Variants in BRSK2 observed in about 807,000 individuals in gnomAD.
BRSK2 encodes the protein BR serine/threonine kinase 2.
Under a neutral mutation model 83.3 loss-of-function variants are expected in BRSK2, and 19 were observed. That is an observed-to-expected ratio of 0.23 (90% CI 0.16 to 0.33). The LOEUF (loss-of-function observed/expected upper bound fraction) is 0.33, where lower values mean the gene tolerates loss of function less well. Among genes scored for constraint, BRSK2 ranks in the 10% least tolerant of loss-of-function variants. The probability of loss-of-function intolerance (pLI) is 1.00; values close to 1 mark genes in which losing one functional copy is unlikely to be tolerated. For missense variants in BRSK2, 798 were observed against 1,042.3 expected (o/e 0.77, Z 3.23); for synonymous variants, 519 against 435.4 (o/e 1.19, Z -2.39).
At chr11:1,442,682 GCCCCCAGCCTGCCTGAGC>G in intron 5 of BRSK2, 76 bp downstream of exon 5, 2 of 1,262,228 alleles carry the variant, frequency 1.6e-6, no homozygotes, top group Non-Finnish European at 2.3e-6. Context: ...GGACTGAGAG[GCCCCCAGCCTGCCTGAGC>G]CTCCCGGCAC....
rs550868415 is a variant in BRSK2 at position 1,404,207 on chromosome 11, C to T, written c.91+13832C>T. 2.6e-5 allele frequency among the ~76,000 whole-genome samples: 4 copies of T among 152,302 alleles called. No homozygotes were observed. In the East Asian group the frequency reaches 7.7e-4, roughly 29 times the overall value. On this transcript the variant is annotated intron_variant, in intron 1 of 19. Coordinates refer to ENST00000528841, the MANE Select transcript of BRSK2 (RefSeq NM_001256627.2). The stretch of plus-strand genomic sequence containing the variant: ...GCGGCCACCCTTTGATTGCTGCCTG[C>T]CCCAGCTGCCCGCAATCTGGGTGCG...
In BRSK2 at chr11:1,390,919, C is replaced by G. The variant is rs1449955881; in HGVS notation, c.91+544C>G. Among the ~76,000 whole-genome samples, 2 of 152,182 alleles carry G rather than the reference C, an allele frequency of 1.3e-5. No individual in the cohort carries two copies. The highest frequency in any genetic ancestry group is 2.9e-5 in the Non-Finnish European group (2 of 68,024). On this transcript the variant is annotated intron_variant, in intron 1 of 19. Coordinates refer to ENST00000528841, the MANE Select transcript of BRSK2 (RefSeq NM_001256627.2). The surrounding 1 kb of genome is among the most constrained non-coding windows in gnomAD (Gnocchi z 6.8). ...CTGCAGAGGGCTGGACAGCGCCTTG[C>G]GCTGCTCCGGCTCGGGCTCGGGCGG... is the stretch of plus-strand genomic sequence containing the variant.
At chr11:1,425,690 C>T (rs1345041425) in intron 1 of BRSK2, among the ~76,000 whole-genome samples, 1 of 152,224 alleles carries the variant, frequency 6.6e-6, no homozygotes, top group East Asian at 1.9e-4. Flanking sequence ...TCGTCTCCCA[C>T]TCTGTGTCCT....
At chr11:1,428,094 AAAG>A (rs1282303129) in intron 1 of BRSK2, among the ~76,000 whole-genome samples, 1 of 152,202 alleles carries the variant, frequency 6.6e-6, no homozygotes, top group African/African-American at 2.4e-5. Context: ...GCAGCAAGTG[AAAG>A]AAGATGGAGG....
intron 1 of BRSK2, among the ~76,000 whole-genome samples, chr11:1,414,473 A>G (rs894488755): frequency 6.6e-6 from 1 of 152,224 alleles, no homozygotes. Context: ...GCCTCAGAGT[A>G]TGCTAAGGTG....
chr11:1,448,029 G>A (rs1235696836), intron 12 of BRSK2, among the ~76,000 whole-genome samples: 1 of 152,200 alleles, frequency 6.6e-6, no homozygotes, highest in Non-Finnish European at 1.5e-5. Flanking sequence ...GCCAGGCAGA[G>A]GCCGAGGAGG....
At chr11:1,440,766 C>G in intron 3 of BRSK2, 22 bp from the exon 4 acceptor site, 6 of 1,552,738 alleles carry the variant, frequency 3.9e-6, no homozygotes, top group Non-Finnish European at 5.2e-6. Context: ...GCTGGGCGCA[C>G]TGGTGGCCCC....
At chr11:1,445,174 G>C (rs563371999) in intron 9 of BRSK2, 120 bp from the exon 10 acceptor site, 3 of 1,487,176 alleles carry the variant, frequency 2.0e-6, no homozygotes, top group African/African-American at 2.8e-5. Flanking sequence ...AGGCCTCCCC[G>C]GGCTGGGCAC....
intron 1 of BRSK2, among the ~76,000 whole-genome samples, chr11:1,414,384 C>T (rs910238232): frequency 6.6e-6 from 1 of 152,178 alleles, no homozygotes; most frequent in South Asian, 2.1e-4. Flanking sequence ...CTAGGAACTT[C>T]CCTCTGTAGA....
chr11:1,460,826 C>T lies in BRSK2; in HGVS notation c.*103C>T. On this transcript the variant is annotated 3_prime_UTR_variant, in exon 20 of 20. Transcript: ENST00000528841. Reference sequence around the variant, plus strand: ...CCCGCGGCCGCGCCGCCCGTCCGTCCAGACTGTTCTCAGAGCCTGGGAGGA... The same window carrying T: ...CCCGCGGCCGCGCCGCCCGTCCGTCTAGACTGTTCTCAGAGCCTGGGAGGA... The T allele has an allele frequency of 6.6e-7, 1 of 1,525,488 alleles. No individual in the cohort carries two copies. 94.5% of individuals were successfully genotyped at this position (1,525,488 alleles called of 1,614,324 possible).
At chr11:1,413,713 G>A (rs904251097) in intron 1 of BRSK2, among the ~76,000 whole-genome samples, 2 of 152,184 alleles carry the variant, frequency 1.3e-5, no homozygotes, top group African/African-American at 2.4e-5. Flanking sequence ...TGGGCAGAAC[G>A]GGGGAACCAA....
rs554095290 is a variant in BRSK2 at position 1,447,374 on chromosome 11, T to C, written c.1226+1467T>C. On this transcript the variant is annotated intron_variant, in intron 12 of 19. Transcript: ENST00000528841. ...CGGTCAGCGGCGTGGGAGGCCGCCCTCTTGGCCTCTGCTGCAACTCCCAGG... is the reference window on the plus strand; with the variant it reads ...CGGTCAGCGGCGTGGGAGGCCGCCCCCTTGGCCTCTGCTGCAACTCCCAGG... Among the ~76,000 whole-genome samples, 7 of 152,254 alleles carry C rather than the reference T, an allele frequency of 4.6e-5. No individual in the cohort carries two copies. The South Asian group carries it at 1.4e-3, about 32-fold the overall frequency.
rs1847111140 is a variant in BRSK2 at position 1,408,824 on chromosome 11, TGTGTGTGTGTGGCTGTGCTGGG to T, written c.91+18459_91+18480del. On this transcript the variant is annotated intron_variant, in intron 1 of 19. Coordinates refer to ENST00000528841, the MANE Select transcript of BRSK2 (RefSeq NM_001256627.2). ...GTTTGCCTGTGCTGGTGTGTGTGTGTGTGTGTGTGTGGCTGTGCTGGGGTGTGTGTGCATATCTGCCTGTACA... is the reference window on the plus strand; with the variant it reads ...GTTTGCCTGTGCTGGTGTGTGTGTGTGTGTGTGTGCATATCTGCCTGTACA... Among the ~76,000 whole-genome samples, 5 of 150,858 alleles carry T rather than the reference TGTGTGTGTGTGGCTGTGCTGGG, an allele frequency of 3.3e-5. No individual in the cohort carries two copies. The South Asian group carries it at 1.0e-3, about 32-fold the overall frequency.
intron 15 of BRSK2, among the ~76,000 whole-genome samples, chr11:1,452,346 G>A (rs1384988017): frequency 2.0e-5 from 3 of 152,208 alleles, no homozygotes; most frequent in African/African-American, 7.2e-5. Flanking sequence ...AGGTGTGTAG[G>A]TATTGTCGCA....
chr11:1,440,844 A>G lies in BRSK2; in HGVS notation c.329A>G (p.Lys110Arg), dbSNP rs1389626943. 6.2e-7 allele frequency: 1 copy of G among 1,603,632 alleles called. No homozygotes were observed. Among genetic ancestry groups the G allele is most frequent in the Non-Finnish European group, 8.5e-7 (1 of 1,175,158 alleles). Reference sequence around the variant, plus strand: ...GAGCTCTTCGACTACCTGGTGAAGAAGGGGAGGCTGACGCCTAAGGAGGCT... The same window carrying G: ...GAGCTCTTCGACTACCTGGTGAAGAGGGGGAGGCTGACGCCTAAGGAGGCT... Reference protein sequence around the residue: ...GGELFDYLVKKGRLTPKEARK... With the variant: ...GGELFDYLVKRGRLTPKEARK... Residue 110 changes from lysine (K) to arginine (R), a missense_variant, in exon 4 of 20, where the codon AAG (lysine) becomes AGG (arginine). Lys to Arg is a conservative substitution (Grantham distance 26). Around this residue, in one of 6 missense-constraint regions of BRSK2, gnomAD observed 109 missense variants for 259.2 expected, o/e 0.42. Transcript: ENST00000528841.
At position 1,399,523 on chromosome 11, in the gene BRSK2, G is replaced by A. The variant is rs572745057; in HGVS notation, c.91+9148G>A. Among the ~76,000 whole-genome samples, 3 of 152,244 alleles carry A rather than the reference G, an allele frequency of 2.0e-5. No homozygotes were observed. The South Asian group carries it at 6.2e-4, about 32-fold the overall frequency. ...TGCTGGGGACAATGAGAGGGGAGCC[G>A]TGAGCCGTGATAGGGATTGTGGCAA... On this transcript the variant is annotated intron_variant, in intron 1 of 19. Coordinates refer to ENST00000528841, the MANE Select transcript of BRSK2 (RefSeq NM_001256627.2).
intron 4 of BRSK2, 77 bp downstream of exon 4, chr11:1,441,005 C>T (rs1374100051): frequency 3.1e-6 from 4 of 1,308,770 alleles, no homozygotes; most frequent in Non-Finnish European, 3.2e-6. Flanking sequence ...GCCCCCTGTG[C>T]CCCAAGGACT....
chr11:1,457,153 C>A, intron 18 of BRSK2: 3 of 1,073,994 alleles, frequency 2.8e-6, no homozygotes, highest in Non-Finnish European at 3.9e-6. Flanking sequence ...CCACAGGTCT[C>A]GGCCCTGGAC....
At position 1,450,767 on chromosome 11, in the gene BRSK2, C is replaced by A; in HGVS notation, c.1468C>A (p.Pro490Thr). Residue 490 changes from proline (P) to threonine (T), a missense_variant, in exon 14 of 20, where the codon CCC becomes ACC. Pro to Thr is a conservative substitution (Grantham distance 38, BLOSUM62 -1). Coordinates refer to ENST00000528841, the MANE Select transcript of BRSK2 (RefSeq NM_001256627.2). The part of the protein sequence containing the change: ...NSIKNSFLGS[P>T]RFHRRKLQVP... Reference sequence around the variant, plus strand: ...CATCAAGAACAGCTTTCTGGGCTCACCCCGCTTCCACCGCCGGAAACTGCA... The same window carrying A: ...CATCAAGAACAGCTTTCTGGGCTCAACCCGCTTCCACCGCCGGAAACTGCA... 1 of 1,595,094 alleles carries A rather than the reference C, an allele frequency of 6.3e-7. No homozygotes were observed. The highest frequency in any genetic ancestry group is 8.5e-7 in the Non-Finnish European group (1 of 1,173,302).
Sources: allele counts gnomAD v4.1 joint callset (sites outside exome capture counted in the v4.1 genomes callset), GRCh38; gene constraint gnomAD v4.1.1; regional missense constraint gnomAD v4.1.1; non-coding constraint Gnocchi (gnomAD v3.1); transcripts MANE v1.5; gene names NCBI Gene and HGNC (gene_info 2026-07-23, HGNC 2026-07-21).